The following NDST4 variants were observed in gnomAD, a reference collection of about 807,000 sequenced individuals.
NDST4 encodes the protein N-heparan sulfate sulfotransferase 4.
A neutral mutation model predicts 100.8 loss-of-function variants in NDST4; 63 were observed. The observed-to-expected ratio is 0.62, with a 90% CI of 0.51 to 0.77. The LOEUF (loss-of-function observed/expected upper bound fraction) is 0.77. NDST4 is among the 30% of genes least tolerant of loss of function. The probability of loss-of-function intolerance (pLI) is 0.00; values close to 1 mark genes in which losing one functional copy is unlikely to be tolerated. For synonymous variants in NDST4, 377 were observed against 361.8 expected (o/e 1.04, Z -0.48); for missense variants, 943 against 1,018.4 (o/e 0.93, Z 1.01).
chr4:114,921,381 G>A (rs1725282427), intron 6 of NDST4, among the ~76,000 whole-genome samples: 1 of 152,050 alleles, frequency 6.6e-6, no homozygotes, highest in Non-Finnish European at 1.5e-5. Flanking sequence ...TGAACTAAAA[G>A]CCTTTGTAAT....
At chr4:114,840,742 G>C (rs2126183805) in intron 10 of NDST4, among the ~76,000 whole-genome samples, 2 of 152,264 alleles carry the variant, frequency 1.3e-5, no homozygotes, top group Middle Eastern at 6.8e-3. Context: ...TTCTAGTGTA[G>C]GGTAAATGTG....
intron 1 of NDST4, among the ~76,000 whole-genome samples, chr4:115,082,711 T>G (rs1729327454): frequency 6.6e-6 from 1 of 152,182 alleles, no homozygotes; most frequent in Non-Finnish European, 1.5e-5. Context: ...AAAATTAAAA[T>G]TTAGAAGGTT....
In NDST4 at chr4:115,058,908, T is replaced by TA. The variant is rs542087457; in HGVS notation, c.978+17150dup. 3.5e-3 allele frequency among the ~76,000 whole-genome samples: 532 copies of TA among 152,014 alleles called. 3 individuals are homozygous for TA. The highest frequency in any genetic ancestry group is 0.012 in the African/African-American group (506 of 41,482). On this transcript the variant is annotated intron_variant, in intron 2 of 13. Coordinates refer to ENST00000264363, the MANE Select transcript of NDST4 (RefSeq NM_022569.3). ...GTAAAACTAATTGTGCTTTTTTATTTAAAAAAATTAAATGGTTTCATAGAG... is the reference window on the plus strand; with the variant it reads ...GTAAAACTAATTGTGCTTTTTTATTTAAAAAAAATTAAATGGTTTCATAGAG...
chr4:115,013,154 G>A (rs1727593125), intron 2 of NDST4, among the ~76,000 whole-genome samples: 2 of 151,230 alleles, frequency 1.3e-5, no homozygotes, highest in Non-Finnish European at 2.9e-5. Context: ...GATAGCACAA[G>A]AGGGTGACTA....
chr4:114,916,010 C>T (rs1017161027), intron 6 of NDST4, among the ~76,000 whole-genome samples: 2 of 152,068 alleles, frequency 1.3e-5, no homozygotes, highest in Non-Finnish European at 2.9e-5. Flanking sequence ...TTTTATTTTG[C>T]AAACACAGCC....
intron 4 of NDST4, among the ~76,000 whole-genome samples, chr4:114,945,605 C>T (rs999105205): frequency 1.3e-5 from 2 of 152,170 alleles, no homozygotes; most frequent in Non-Finnish European, 2.9e-5. Flanking sequence ...AAGTAATGCA[C>T]TTGTTGTAAA....
In NDST4 at chr4:114,827,919, G is replaced by A; in HGVS notation, c.2516C>T (p.Ser839Phe). The change falls in exon 14 of 14, where the codon TCT becomes TTT. Residue 839 changes from serine to phenylalanine, a missense_variant. Physicochemically the swap from Ser to Phe is radical, Grantham distance 155 (BLOSUM62 -2). Coordinates refer to ENST00000264363, the MANE Select transcript of NDST4 (RefSeq NM_022569.3). ...PMDPESRTFL[S>F]NYYRDHNVEL... is the part of the protein sequence containing the mutation. ...CACATTATGATCTCGGTAGTAATTA[G>A]AGAGGAACGTTCTAGACTGGAAAGA... is the stretch of plus-strand genomic sequence containing the variant. 6 of 1,606,250 alleles carry A rather than the reference G, an allele frequency of 3.7e-6. No homozygotes were observed. Among genetic ancestry groups the A allele is most frequent in the Non-Finnish European group, 5.1e-6 (6 of 1,177,728 alleles).
At chr4:115,010,852 A>G (rs1727529079) in intron 2 of NDST4, among the ~76,000 whole-genome samples, 1 of 152,106 alleles carries the variant, frequency 6.6e-6, no homozygotes, top group Non-Finnish European at 1.5e-5. Flanking sequence ...AAAAATGAAG[A>G]TGCTAGGCAC....
rs539022314 is a variant in NDST4 at position 114,977,153 on chromosome 4, T to C, written c.1066+34A>G. ...ATTCAAAATTTATTTCCTATTTATA[T>C]GTAGCTGCCTGAGAACACAAAGCTC... On this transcript the variant is annotated intron_variant, in intron 3 of 13. Coordinates refer to ENST00000264363, the MANE Select transcript of NDST4 (RefSeq NM_022569.3). 123 of 1,254,588 alleles carry C rather than the reference T, an allele frequency of 9.8e-5. No individual in the cohort carries two copies. In the South Asian group the frequency reaches 1.4e-3, roughly 15 times the overall value. 77.7% of individuals were successfully genotyped at this position (1,254,588 alleles called of 1,614,324 possible).
chr4:115,002,697 A>G (rs1025662266), intron 2 of NDST4, among the ~76,000 whole-genome samples: 2 of 152,144 alleles, frequency 1.3e-5, no homozygotes. Context: ...AGAAACAGAA[A>G]TACCATTTGA....
chr4:114,941,041 C>T (rs1344672224), intron 4 of NDST4, among the ~76,000 whole-genome samples: 3 of 152,190 alleles, frequency 2.0e-5, no homozygotes, highest in Non-Finnish European at 4.4e-5. Flanking sequence ...GGCCGCAGTC[C>T]CAGGCTTGAG....
chr4:114,971,141 A>T (rs1274685577), intron 3 of NDST4, among the ~76,000 whole-genome samples: 2 of 152,188 alleles, frequency 1.3e-5, no homozygotes, highest in East Asian at 3.9e-4. Flanking sequence ...TTCTACTTAT[A>T]TTTTAAAAGT....
chr4:114,924,926 A>T (rs1725358865), intron 6 of NDST4, among the ~76,000 whole-genome samples: 1 of 152,196 alleles, frequency 6.6e-6, no homozygotes, highest in Non-Finnish European at 1.5e-5. Context: ...CAAATTATAC[A>T]GAATGCATTA....
intron 2 of NDST4, among the ~76,000 whole-genome samples, chr4:115,014,742 A>C (rs182538231): frequency 1.5e-4 from 23 of 152,198 alleles, no homozygotes; most frequent in Non-Finnish European, 2.8e-4. Flanking sequence ...AAAATCCCTT[A>C]GAATTTTGGA....
intron 13 of NDST4, among the ~76,000 whole-genome samples, chr4:114,828,690 A>C (rs1017521192): frequency 2.0e-5 from 3 of 152,170 alleles, no homozygotes; most frequent in Admixed American, 2.0e-4. Context: ...CAATTGGCAG[A>C]TTTCCATCTC....
chr4:114,886,317 G>C (rs1724476340), intron 6 of NDST4, among the ~76,000 whole-genome samples: 1 of 152,048 alleles, frequency 6.6e-6, no homozygotes, highest in Non-Finnish European at 1.5e-5. Context: ...ATATGTCGCT[G>C]TCCTACTTCT....
chr4:115,038,448 G>C (rs568289451), intron 2 of NDST4, among the ~76,000 whole-genome samples: 51 of 152,214 alleles, frequency 3.4e-4, no homozygotes, highest in African/African-American at 1.2e-3. Flanking sequence ...GTTTTCTGCA[G>C]TAAAAGAAAG....
chr4:114,961,260 TC>T (rs920002049), intron 4 of NDST4, among the ~76,000 whole-genome samples: 37 of 151,880 alleles, frequency 2.4e-4, no homozygotes, highest in African/African-American at 8.7e-4. Flanking sequence ...AAAAAAGCTT[TC>T]AAGTCAATAA....
intron 4 of NDST4, among the ~76,000 whole-genome samples, chr4:114,965,388 G>T (rs279538): frequency 2.0e-5 from 3 of 151,904 alleles, no homozygotes; most frequent in African/African-American, 7.2e-5. Flanking sequence ...TTTCCATAGT[G>T]TCTCTTTAAT....
Sources: gnomAD v4.1 joint callset for allele counts (sites outside exome capture counted in the v4.1 genomes callset) on GRCh38, gnomAD v4.1.1 for gene constraint, MANE v1.5 for transcripts, NCBI Gene and HGNC (gene_info 2026-07-23, HGNC 2026-07-21) for gene names.